Variants in P2RY12 observed in about 807,000 individuals in gnomAD.
P2RY12 encodes purinergic receptor P2Y12, also known as P2Y purinoceptor 12.
In P2RY12, 3 loss-of-function variants were observed where a neutral mutation model predicts 4.5. The ratio of observed to expected loss-of-function variants is 0.67; its 90% CI spans 0.31 to 1.74. P2RY12 has a LOEUF of 1.74. Among genes scored for constraint, P2RY12 ranks in the 40% most tolerant of loss-of-function variants. The pLI, the probability that P2RY12 is intolerant of heterozygous loss-of-function variation, is 0.09. For synonymous variants in P2RY12, 148 were observed against 154.1 expected, an observed-to-expected ratio of 0.96 and a Z score of 0.29; for missense variants, 356 against 407.8, an observed-to-expected ratio of 0.87 and a Z score of 1.09.
chr3:151,340,362 A>G (rs1751656944), intron 2 of P2RY12, among the ~76,000 whole-genome samples: 1 of 152,194 alleles, frequency 6.6e-6, no homozygotes, highest in Non-Finnish European at 1.5e-5. Context: ...AACTAAGACC[A>G]TTTATATTTT....
At position 151,337,745 on chromosome 3, in the gene P2RY12, A is replaced by G. The variant is rs573586837; in HGVS notation, c.*72T>C. On this transcript the variant is annotated 3_prime_UTR_variant, in exon 3 of 3. Transcript: ENST00000302632. ...CTTAGTTGCTTCTTCGTCAGTTAAT[A>G]TTTTTACTTAGCGCTTTGCTTTAAC... The G allele has an allele frequency of 1.6e-5, 24 of 1,477,642 alleles. 1 individual carries two copies. The East Asian group carries it at 4.3e-4, about 26-fold the overall frequency. The allele number at this position is 1,477,642 out of a possible 1,614,324, so 91.5% of individuals were successfully genotyped here.
At chr3:151,368,577 G>A (rs966021325) in intron 1 of P2RY12, among the ~76,000 whole-genome samples, 2 of 136,492 alleles carry the variant, frequency 1.5e-5, no homozygotes, top group African/African-American at 5.4e-5. Flanking sequence ...GCAGCTTAGG[G>A]CAATGGTGAT....
At chr3:151,371,858 C>T (rs963890104) in intron 1 of P2RY12, among the ~76,000 whole-genome samples, 2 of 152,166 alleles carry the variant, frequency 1.3e-5, no homozygotes, top group African/African-American at 4.8e-5. Context: ...TCTAGCTATT[C>T]AGACATTCTG....
chr3:151,383,270 T>G lies in P2RY12; in HGVS notation c.-180+1422A>C, dbSNP rs891317369. Among the ~76,000 whole-genome samples, 11 of 152,350 alleles carry G rather than the reference T, an allele frequency of 7.2e-5. No individual in the cohort carries two copies. In the East Asian group the frequency reaches 2.1e-3, roughly 29 times the overall value. Reference sequence around the variant, plus strand: ...TGGAGGATGGCCTGCCTGATACTTTTGCAGTTGTTTCTAACCTTGTCCCAA... The same window carrying G: ...TGGAGGATGGCCTGCCTGATACTTTGGCAGTTGTTTCTAACCTTGTCCCAA... On this transcript the variant is annotated intron_variant, in intron 1 of 2. Transcript: ENST00000302632.
chr3:151,346,370 C>T (rs369894782), intron 1 of P2RY12, among the ~76,000 whole-genome samples: 1 of 152,092 alleles, frequency 6.6e-6, no homozygotes, highest in African/African-American at 2.4e-5. Flanking sequence ...TCATAACGCT[C>T]TTTCCTCTCA....
At chr3:151,383,697 A>G in intron 1 of P2RY12, 1 of 846,588 alleles carries the variant, frequency 1.2e-6, no homozygotes, top group Non-Finnish European at 1.9e-6. Flanking sequence ...ATAAAAAACA[A>G]TCAAAATTTG....
At chr3:151,339,203 A>T (rs1277510020) in intron 2 of P2RY12, among the ~76,000 whole-genome samples, 1 of 151,838 alleles carries the variant, frequency 6.6e-6, no homozygotes, top group African/African-American at 2.4e-5. Context: ...GCTGTGCTTT[A>T]CTCTTCTCTA....
In P2RY12 at chr3:151,337,635, A is replaced by G. The variant is rs888751194; in HGVS notation, c.*182T>C. 2.4e-5 allele frequency: 15 copies of G among 634,450 alleles called. No individual in the cohort carries two copies. The highest frequency in any genetic ancestry group is 2.2e-4 in the African/African-American group (12 of 54,396). The allele number at this position is 634,450 out of a possible 1,614,324, so 39.3% of individuals were successfully genotyped here. A position where few individuals can be genotyped will look rare whatever the true frequency, so the allele number is the denominator to read the frequency against. On this transcript the variant is annotated 3_prime_UTR_variant, in exon 3 of 3. Transcript: ENST00000302632. Reference sequence around the variant, plus strand: ...CAGCTACAGTTTAGATTAGTTTTCTATATTTTAAGATAGCTTTTCATACTG... The same window carrying G: ...CAGCTACAGTTTAGATTAGTTTTCTGTATTTTAAGATAGCTTTTCATACTG...
chr3:151,347,696 A>G (rs13066236), intron 1 of P2RY12, among the ~76,000 whole-genome samples: 89 of 152,272 alleles, frequency 5.8e-4, no homozygotes, highest in Admixed American at 1.6e-3. Context: ...GGGGATGTGC[A>G]GAGGAGGAGG....
At chr3:151,353,402 A>T (rs1753488508) in intron 1 of P2RY12, among the ~76,000 whole-genome samples, 2 of 152,250 alleles carry the variant, frequency 1.3e-5, no homozygotes, top group Admixed American at 1.3e-4. Flanking sequence ...TTGAGAATAG[A>T]CATTGAAAAA....
chr3:151,380,104 C>G, intron 1 of P2RY12: 1 of 1,521,546 alleles, frequency 6.6e-7, no homozygotes, highest in African/African-American at 1.4e-5. Context: ...ATTATTACTT[C>G]CTTTGTAGTA....
At chr3:151,360,838 A>G (rs1435349319) in intron 1 of P2RY12, among the ~76,000 whole-genome samples, 1 of 152,060 alleles carries the variant, frequency 6.6e-6, no homozygotes, top group African/African-American at 2.4e-5. Flanking sequence ...TTTTCCCCCA[A>G]TATTGAAATG....
intron 1 of P2RY12, among the ~76,000 whole-genome samples, chr3:151,346,229 A>G (rs1444372027): frequency 1.3e-5 from 2 of 152,088 alleles, no homozygotes; most frequent in African/African-American, 4.8e-5. Context: ...TTCTTTCCAT[A>G]TTAATCCAGC....
chr3:151,337,789 G>A lies in P2RY12; in HGVS notation c.*28C>T. The A allele has an allele frequency of 1.2e-6, 2 of 1,607,088 alleles. No individual in the cohort carries two copies. The highest frequency in any genetic ancestry group is 1.3e-5 in the African/African-American group (1 of 74,900). Reference sequence around the variant, plus strand: ...CTTTAACGAGTTCTGAACACAAAGAGATTGAAATATTTCCTTAGTTAATTT... The same window carrying A: ...CTTTAACGAGTTCTGAACACAAAGAAATTGAAATATTTCCTTAGTTAATTT... On this transcript the variant is annotated 3_prime_UTR_variant, in exon 3 of 3. Transcript: ENST00000302632.
At chr3:151,373,384 A>G (rs1003359715) in intron 1 of P2RY12, among the ~76,000 whole-genome samples, 1 of 152,168 alleles carries the variant, frequency 6.6e-6, no homozygotes, top group Admixed American at 6.5e-5. Context: ...AAGATTAGTA[A>G]CTATACAGTG....
chr3:151,365,616 C>T (rs1192293057), intron 1 of P2RY12, among the ~76,000 whole-genome samples: 1 of 152,082 alleles, frequency 6.6e-6, no homozygotes, highest in African/African-American at 2.4e-5. Context: ...TATTCTAATT[C>T]GTGTATGTAC....
intron 1 of P2RY12, among the ~76,000 whole-genome samples, chr3:151,381,334 C>G (rs534124847): frequency 6.6e-6 from 1 of 152,238 alleles, no homozygotes; most frequent in South Asian, 2.1e-4. Context: ...TCATAGTGAA[C>G]CTTTTTAAAT....
chr3:151,378,677 G>T (rs141007506), intron 1 of P2RY12, among the ~76,000 whole-genome samples: 1 of 151,718 alleles, frequency 6.6e-6, no homozygotes, highest in Non-Finnish European at 1.5e-5. Context: ...CCCAAGAAAA[G>T]GTTTCAAGTA....
chr3:151,345,923 G>A (rs1294509690), intron 1 of P2RY12, among the ~76,000 whole-genome samples: 1 of 152,148 alleles, frequency 6.6e-6, no homozygotes, highest in Non-Finnish European at 1.5e-5. Context: ...GACTACTGTA[G>A]TAACACCTAG....
Sources: allele counts gnomAD v4.1 joint callset (sites outside exome capture counted in the v4.1 genomes callset), GRCh38; gene constraint gnomAD v4.1.1; transcripts MANE v1.5; gene names NCBI Gene and HGNC (gene_info 2026-07-23, HGNC 2026-07-21).